Variants in CHODL observed in about 807,000 individuals in gnomAD.
CHODL encodes the protein transmembrane protein MT75.
In CHODL, 29 loss-of-function variants were observed where a neutral mutation model predicts 34.5. The observed-to-expected ratio is 0.84, with a 90% CI of 0.63 to 1.15. The LOEUF (loss-of-function observed/expected upper bound fraction) is 1.15, where lower values mean the gene tolerates loss of function less well. Among genes scored for constraint, CHODL ranks in the 50% most tolerant of loss-of-function variants. The pLI is 0.00. For synonymous variants in CHODL, 125 were observed against 116.1 expected (o/e 1.08, Z -0.49); for missense variants, 332 against 332.5 (o/e 1.00, Z 0.01).
At chr21:18,252,429 C>T (rs1439762390) in intron 1 of CHODL, among the ~76,000 whole-genome samples, 1 of 152,086 alleles carries the variant, frequency 6.6e-6, no homozygotes, top group Non-Finnish European at 1.5e-5. Context: ...TCCAGAAGAT[C>T]TGCATTAACA....
intron 1 of CHODL, among the ~76,000 whole-genome samples, chr21:17,928,914 A>C (rs969119205): frequency 6.6e-6 from 1 of 152,232 alleles, no homozygotes; most frequent in Admixed American, 6.5e-5. Context: ...TTATTCTAGG[A>C]TAGTATTAGT....
intron 1 of CHODL, among the ~76,000 whole-genome samples, chr21:17,977,158 C>T (rs967772940): frequency 5.9e-5 from 9 of 152,076 alleles, no homozygotes; most frequent in African/African-American, 1.7e-4. Flanking sequence ...AGTTAATATT[C>T]TTCCCATTTA....
At chr21:18,234,814 G>A (rs1240789632) in intron 2 of CHODL, among the ~76,000 whole-genome samples, 1 of 152,102 alleles carries the variant, frequency 6.6e-6, no homozygotes, top group Non-Finnish European at 1.5e-5. Context: ...CATGGTTCTG[G>A]TTCTGGGTTA....
intron 2 of CHODL, among the ~76,000 whole-genome samples, chr21:18,111,892 T>C (rs2065355639): frequency 6.6e-6 from 1 of 152,194 alleles, no homozygotes; most frequent in Non-Finnish European, 1.5e-5. Context: ...CAGGTGGAAA[T>C]TCATGTTTAC....
chr21:18,135,409 A>G (rs1197219456), intron 2 of CHODL, among the ~76,000 whole-genome samples: 1 of 152,090 alleles, frequency 6.6e-6, no homozygotes, highest in African/African-American at 2.4e-5. Flanking sequence ...AAAAATACAG[A>G]ATACATAAGA....
intron 2 of CHODL, among the ~76,000 whole-genome samples, chr21:18,107,206 A>G (rs2065284164): frequency 6.6e-6 from 1 of 152,210 alleles, no homozygotes; most frequent in African/African-American, 2.4e-5. Flanking sequence ...GAGAATGATA[A>G]TGAATTGCTG....
At chr21:18,070,673 T>C (rs1022882889) in intron 2 of CHODL, among the ~76,000 whole-genome samples, 2 of 152,150 alleles carry the variant, frequency 1.3e-5, no homozygotes, top group African/African-American at 2.4e-5. Context: ...TTAGTGCTTC[T>C]ATAGATATGC....
intron 1 of CHODL, among the ~76,000 whole-genome samples, chr21:18,002,460 C>T (rs1568838999): frequency 6.6e-6 from 1 of 151,962 alleles, no homozygotes; most frequent in East Asian, 2.0e-4. Context: ...AAAACATTTA[C>T]TTTTAATTTT....
At chr21:17,953,420 T>C (rs2063473982) in intron 1 of CHODL, among the ~76,000 whole-genome samples, 1 of 152,072 alleles carries the variant, frequency 6.6e-6, no homozygotes. Context: ...TGAGCCACGA[T>C]TGTGCCACTG....
At chr21:18,103,670 A>T (rs2065241188) in intron 2 of CHODL, among the ~76,000 whole-genome samples, 1 of 152,038 alleles carries the variant, frequency 6.6e-6, no homozygotes, top group Non-Finnish European at 1.5e-5. Context: ...AGATGGCTGG[A>T]AGGCTGGGCT....
At chr21:18,159,620 C>T (rs73893009) in intron 2 of CHODL, among the ~76,000 whole-genome samples, 2,045 of 152,292 alleles carry the variant, frequency 0.013, 48 homozygotes, top group African/African-American at 0.045. Context: ...ATTCCCCAAC[C>T]TTGCCCATGC....
intron 2 of CHODL, among the ~76,000 whole-genome samples, chr21:18,056,817 G>A (rs1327980512): frequency 1.3e-5 from 2 of 151,920 alleles, no homozygotes; most frequent in Admixed American, 6.6e-5. Flanking sequence ...TTAATGGTAG[G>A]TATTTTATAG....
intron 1 of CHODL, among the ~76,000 whole-genome samples, chr21:17,964,907 C>T (rs2063559811): frequency 1.3e-5 from 2 of 152,232 alleles, no homozygotes; most frequent in South Asian, 4.1e-4. Flanking sequence ...TTCCCCATGT[C>T]CTGTTTAGTA....
chr21:18,249,303 A>T (rs2074206992), intron 1 of CHODL, among the ~76,000 whole-genome samples: 1 of 151,062 alleles, frequency 6.6e-6, no homozygotes, highest in South Asian at 2.1e-4. Context: ...CATATTCCTC[A>T]TGATATAACA....
intron 1 of CHODL, among the ~76,000 whole-genome samples, chr21:17,986,201 A>T (rs1240954629): frequency 6.6e-6 from 1 of 151,946 alleles, no homozygotes; most frequent in African/African-American, 2.4e-5. Flanking sequence ...GTTCTGGGTT[A>T]CATGTGCAGA....
chr21:18,097,299 A>T (rs1047424606), intron 2 of CHODL, among the ~76,000 whole-genome samples: 1 of 152,160 alleles, frequency 6.6e-6, no homozygotes, highest in Non-Finnish European at 1.5e-5. Context: ...TTTGCAGATG[A>T]TATAATCTTA....
At chr21:18,136,335 G>A (rs913770690) in intron 2 of CHODL, among the ~76,000 whole-genome samples, 1 of 151,856 alleles carries the variant, frequency 6.6e-6, no homozygotes, top group African/African-American at 2.4e-5. Flanking sequence ...GATTTTCTGG[G>A]CAGTCTCATG....
chr21:18,168,417 A>C (rs1321931861), intron 2 of CHODL, among the ~76,000 whole-genome samples: 1 of 152,206 alleles, frequency 6.6e-6, no homozygotes, highest in Non-Finnish European at 1.5e-5. Flanking sequence ...TTTTTGCTCC[A>C]GAACTTGAGT....
chr21:18,067,471 T>C lies in CHODL; in HGVS notation c.-45+39500T>C, dbSNP rs9978283. Among the ~76,000 whole-genome samples, 1,439 of 152,306 alleles carry C rather than the reference T, an allele frequency of 9.4e-3. 24 individuals are homozygous for C. The highest frequency in any genetic ancestry group is 0.032 in the African/African-American group (1,325 of 41,558). On this transcript the variant is annotated intron_variant, in intron 2 of 6. Transcript: ENST00000400127. ...TGATGTTTCCACCAGCCCAGGGATG[T>C]CAGAGATTGGCAGCAAACCACTGAA...
Sources: gnomAD v4.1 joint callset for allele counts (sites outside exome capture counted in the v4.1 genomes callset) on GRCh38, gnomAD v4.1.1 for gene constraint, MANE v1.5 for transcripts, NCBI Gene and HGNC (gene_info 2026-07-23, HGNC 2026-07-21) for gene names.